ACCSL: variants seen among roughly 807,000 people sequenced by gnomAD.
ACCSL encodes probable inactive 1-aminocyclopropane-1-carboxylate synthase-like protein 2.
Under a neutral mutation model 61.7 loss-of-function variants are expected in ACCSL, and 55 were observed. The ratio of observed to expected loss-of-function variants is 0.89; its 90% CI spans 0.72 to 1.12. ACCSL has a LOEUF of 1.12. ACCSL is among the 50% of genes most tolerant of loss of function. The pLI, the probability that ACCSL is intolerant of heterozygous loss-of-function variation, is 0.00. For missense variants in ACCSL, 632 were observed against 698.0 expected (o/e 0.91, Z 1.07); for synonymous variants, 258 against 264.3 (o/e 0.98, Z 0.23).
chr11:43,939,231 ATATTT>A, the ACCSL span, among the ~76,000 whole-genome samples: 6 of 152,154 alleles, frequency 3.9e-5, no homozygotes, highest in Non-Finnish European at 7.4e-5. Flanking sequence ...TTTGCAATAA[ATATTT>A]TGTCCCAGCA....
the ACCSL span, among the ~76,000 whole-genome samples, chr11:43,967,490 A>T: frequency 1.3e-5 from 2 of 151,790 alleles, no homozygotes; most frequent in Admixed American, 1.3e-4. Flanking sequence ...CAGTTCTTCC[A>T]GTTCTCACTT....
At chr11:44,041,734 G>C in the ACCSL span, among the ~76,000 whole-genome samples, 1 of 152,200 alleles carries the variant, frequency 6.6e-6, no homozygotes, top group Non-Finnish European at 1.5e-5. Flanking sequence ...GGCTGAGACT[G>C]CTGGTACAAT....
At chr11:44,056,966 T>C (rs1336672375) in intron 11 of ACCSL, among the ~76,000 whole-genome samples, 1 of 152,228 alleles carries the variant, frequency 6.6e-6, no homozygotes, top group Non-Finnish European at 1.5e-5. Flanking sequence ...AGTCTTTATG[T>C]GAATATAGAT....
the ACCSL span, among the ~76,000 whole-genome samples, chr11:43,983,032 G>C: frequency 1.3e-5 from 2 of 152,196 alleles, no homozygotes; most frequent in South Asian, 4.1e-4. Context: ...AGACAGAGGA[G>C]GGGCAGCTCT....
the ACCSL span, among the ~76,000 whole-genome samples, chr11:43,984,965 T>A: frequency 3.3e-5 from 5 of 152,202 alleles, no homozygotes; most frequent in African/African-American, 1.2e-4. Context: ...GAAGGGGACC[T>A]TCATATCACA....
chr11:43,998,089 G>A, the ACCSL span, among the ~76,000 whole-genome samples: 8 of 152,170 alleles, frequency 5.3e-5, no homozygotes, highest in Non-Finnish European at 8.8e-5. Flanking sequence ...TTTCTTAACC[G>A]TTTCGGTCTC....
chr11:43,965,733 C>T, the ACCSL span, among the ~76,000 whole-genome samples: 2 of 152,140 alleles, frequency 1.3e-5, no homozygotes, highest in African/African-American at 4.8e-5. Flanking sequence ...GTAATCAAAA[C>T]AATGTGGTAC....
intron 1 of ACCSL, 147 bp from the exon 2 acceptor site, chr11:44,049,915 G>T: frequency 9.4e-7 from 1 of 1,065,050 alleles, no homozygotes; most frequent in Non-Finnish European, 1.4e-6. Context: ...TTGGGTTCAT[G>T]GAAAGCTTTC....
chr11:43,992,721 A>G, the ACCSL span, among the ~76,000 whole-genome samples: 1 of 152,264 alleles, frequency 6.6e-6, no homozygotes, highest in Admixed American at 6.5e-5. Flanking sequence ...GCTGCAGCAG[A>G]TATATGACCT....
chr11:44,058,421 C>T lies in ACCSL; in HGVS notation c.1432C>T (p.Arg478Cys), dbSNP rs1267336731. The T allele has an allele frequency of 6.8e-6, 11 of 1,613,976 alleles. No homozygotes were observed. The highest frequency in any genetic ancestry group is 1.3e-5 in the African/African-American group (1 of 74,872). ...LKALEIPFHNRSSGLYVWINL... is the reference protein window; with the variant it reads ...LKALEIPFHNCSSGLYVWINL... Reference sequence around the variant, plus strand: ...GGCATTGGAGATCCCTTTTCACAACCGCAGCTCTGGCCTCTATGTCTGGAT... The same window carrying T: ...GGCATTGGAGATCCCTTTTCACAACTGCAGCTCTGGCCTCTATGTCTGGAT... The change falls in exon 12 of 14, where the codon CGC becomes TGC. Residue 478 changes from arginine (R) to cysteine (C), a missense_variant. Coordinates refer to ENST00000378832, the MANE Select transcript of ACCSL (RefSeq NM_001031854.2).
the ACCSL span, among the ~76,000 whole-genome samples, chr11:44,039,364 G>A: frequency 2.0e-5 from 3 of 152,082 alleles, no homozygotes; most frequent in Non-Finnish European, 4.4e-5. Flanking sequence ...CAACCTGAAT[G>A]GGATTGGAGA....
At chr11:44,037,572 C>T in the ACCSL span, among the ~76,000 whole-genome samples, 1 of 152,176 alleles carries the variant, frequency 6.6e-6, no homozygotes, top group African/African-American at 2.4e-5. Context: ...TTGGCAAATC[C>T]GTGTTACAGC....
the ACCSL span, among the ~76,000 whole-genome samples, chr11:43,956,633 C>A: frequency 1.1e-4 from 16 of 152,182 alleles, no homozygotes; most frequent in Non-Finnish European, 1.6e-4. Flanking sequence ...GTTAGCCAGG[C>A]TGGTCTCAAT....
At chr11:43,943,915 G>A in the ACCSL span, 5 of 1,176,296 alleles carry the variant, frequency 4.3e-6, no homozygotes, top group Non-Finnish European at 4.4e-6. The surrounding 1 kb of genome is among the most constrained non-coding windows in gnomAD (Gnocchi z 4.8). Flanking sequence ...TTGCACCTTC[G>A]GGGTCCAGGC....
the ACCSL span, among the ~76,000 whole-genome samples, chr11:44,040,854 C>T: frequency 6.6e-6 from 1 of 152,074 alleles, no homozygotes; most frequent in Non-Finnish European, 1.5e-5. Context: ...GTATGTGCGC[C>T]CTTCCAGGGA....
chr11:44,036,741 C>A, the ACCSL span, among the ~76,000 whole-genome samples: 1 of 149,574 alleles, frequency 6.7e-6, no homozygotes, highest in Non-Finnish European at 1.5e-5. Context: ...AAGATCGCCC[C>A]ACTGCACTCC....
At chr11:44,019,184 G>A in the ACCSL span, among the ~76,000 whole-genome samples, 1 of 152,178 alleles carries the variant, frequency 6.6e-6, no homozygotes, top group African/African-American at 2.4e-5. Context: ...TCCATCAGTC[G>A]ATGGACTAAG....
At chr11:44,037,125 C>T in the ACCSL span, among the ~76,000 whole-genome samples, 1 of 152,236 alleles carries the variant, frequency 6.6e-6, no homozygotes, top group African/African-American at 2.4e-5. Context: ...CACCTTTCCC[C>T]AACCTTGGAA....
At chr11:43,959,249 G>A in the ACCSL span, among the ~76,000 whole-genome samples, 1 of 152,160 alleles carries the variant, frequency 6.6e-6, no homozygotes, top group East Asian at 1.9e-4. Flanking sequence ...CTGTGAGCAT[G>A]TTGCTCCCAT....
Sources: gnomAD v4.1 joint callset for allele counts (sites outside exome capture counted in the v4.1 genomes callset) on GRCh38, gnomAD v4.1.1 for gene constraint, Gnocchi (gnomAD v3.1) non-coding constraint, MANE v1.5 for transcripts, NCBI Gene and HGNC (gene_info 2026-07-23, HGNC 2026-07-21) for gene names.